AGBL4: variants seen among roughly 807,000 people sequenced by gnomAD.
The protein encoded by AGBL4 is cytosolic carboxypeptidase 6.
AGBL4 carries 58 observed loss-of-function variants against 66.4 expected under a neutral mutation model. That is an observed-to-expected ratio of 0.87 (90% confidence interval 0.71 to 1.09). The LOEUF is 1.09. Ranked by LOEUF, AGBL4 falls within the 50% of genes least tolerant of loss-of-function variation. The pLI is 0.00. For synonymous variants in AGBL4, 234 were observed against 222.9 expected (o/e 1.05, Z -0.44); for missense variants, 579 against 631.0 (o/e 0.92, Z 0.88).
At chr1:49,461,429 C>A (rs1245806411) in intron 3 of AGBL4, among the ~76,000 whole-genome samples, 3 of 149,884 alleles carry the variant, frequency 2.0e-5, no homozygotes, top group African/African-American at 7.4e-5. Flanking sequence ...TAAGTGTCTC[C>A]TTGATTTCCG....
chr1:48,532,015 C>G (rs1643909366), downstream of AGBL4, among the ~76,000 whole-genome samples: 1 of 152,126 alleles, frequency 6.6e-6, no homozygotes, highest in Non-Finnish European at 1.5e-5. Context: ...AACTCCTGAC[C>G]TCAGGTGATT....
At chr1:49,515,349 C>T (rs1439531460) in intron 3 of AGBL4, among the ~76,000 whole-genome samples, 3 of 152,118 alleles carry the variant, frequency 2.0e-5, no homozygotes, top group Middle Eastern at 3.2e-3. Flanking sequence ...TATCATCTCA[C>T]ACTAGTTAGA....
chr1:49,616,918 T>C (rs1283926288), intron 3 of AGBL4, among the ~76,000 whole-genome samples: 1 of 152,190 alleles, frequency 6.6e-6, no homozygotes, highest in Non-Finnish European at 1.5e-5. Context: ...CAAACCACCA[T>C]AATCTCTTGT....
intron 3 of AGBL4, among the ~76,000 whole-genome samples, chr1:49,662,298 G>A (rs541373723): frequency 1.6e-4 from 25 of 151,626 alleles, no homozygotes; most frequent in Admixed American, 7.3e-4. Flanking sequence ...TTAAATATGT[G>A]TAGAAATGGA....
At chr1:48,806,959 C>T (rs930436724) in intron 6 of AGBL4, among the ~76,000 whole-genome samples, 1 of 151,886 alleles carries the variant, frequency 6.6e-6, no homozygotes, top group East Asian at 1.9e-4. Context: ...TGTATCTGTG[C>T]GGAAGTATCT....
At chr1:49,085,928 G>C (rs1644899130) in intron 4 of AGBL4, among the ~76,000 whole-genome samples, 1 of 152,164 alleles carries the variant, frequency 6.6e-6, no homozygotes, top group Admixed American at 6.5e-5. Flanking sequence ...GAGCAGATCA[G>C]CGTTGGTGTC....
chr1:48,702,324 C>T (rs1352984891), intron 6 of AGBL4, among the ~76,000 whole-genome samples: 1 of 151,748 alleles, frequency 6.6e-6, no homozygotes, highest in Non-Finnish European at 1.5e-5. Flanking sequence ...GTCAGTCTTG[C>T]TCTGTTGCCC....
At chr1:49,754,318 C>CTT in intron 2 of AGBL4, among the ~76,000 whole-genome samples, 1 of 145,402 alleles carries the variant, frequency 6.9e-6, no homozygotes, top group South Asian at 2.2e-4. Flanking sequence ...TTATTATACT[C>CTT]TAAGTTTTAG....
intron 6 of AGBL4, among the ~76,000 whole-genome samples, chr1:48,791,606 C>A (rs929931216): frequency 6.6e-6 from 1 of 152,208 alleles, no homozygotes; most frequent in Admixed American, 6.5e-5. Flanking sequence ...GTGGAGCAAT[C>A]TGAACTTTGA....
At chr1:49,021,820 C>A (rs2149023101) in intron 5 of AGBL4, among the ~76,000 whole-genome samples, 1 of 152,188 alleles carries the variant, frequency 6.6e-6, no homozygotes, top group Admixed American at 6.5e-5. Flanking sequence ...TGTCCTTAGG[C>A]CTTGGTTTTC....
rs148693722 is a variant in AGBL4 at position 49,486,236 on chromosome 1, G to A, written c.282+211077C>T. Among the ~76,000 whole-genome samples the A allele has an allele frequency of 1.2e-4, 19 of 152,022 alleles. No individual in the cohort carries two copies. The East Asian group carries it at 1.4e-3, about 11-fold the overall frequency. ...AAAATTTACTCTCAATTACCTTTACGGAAATACAGAGAATCTTCACCTATT... is the reference window on the plus strand; with the variant it reads ...AAAATTTACTCTCAATTACCTTTACAGAAATACAGAGAATCTTCACCTATT... On this transcript the variant is annotated intron_variant, in intron 3 of 13. Coordinates refer to ENST00000371839, the MANE Select transcript of AGBL4 (RefSeq NM_032785.4).
At chr1:49,493,680 C>A (rs576704527) in intron 3 of AGBL4, among the ~76,000 whole-genome samples, 4 of 151,942 alleles carry the variant, frequency 2.6e-5, no homozygotes, top group African/African-American at 9.7e-5. Context: ...GGGCTGGGGT[C>A]CCTTCTCATA....
At chr1:48,710,249 G>A (rs973218685) in intron 6 of AGBL4, among the ~76,000 whole-genome samples, 10 of 152,282 alleles carry the variant, frequency 6.6e-5, no homozygotes, top group East Asian at 1.9e-4. Context: ...GTTTACCTGA[G>A]GCACAGTGGG....
intron 1 of AGBL4, among the ~76,000 whole-genome samples, chr1:49,912,115 G>A (rs1419305624): frequency 2.0e-5 from 3 of 152,198 alleles, no homozygotes; most frequent in Non-Finnish European, 2.9e-5. Context: ...CTAAAGAGAT[G>A]GGCTCCCCAG....
intron 3 of AGBL4, among the ~76,000 whole-genome samples, chr1:49,511,240 T>C (rs1649214353): frequency 6.6e-6 from 1 of 151,208 alleles, no homozygotes; most frequent in South Asian, 2.1e-4. Context: ...ATTAAGAAAA[T>C]GTGGCACATA....
intron 1 of AGBL4, among the ~76,000 whole-genome samples, chr1:49,973,660 A>G (rs1244054603): frequency 6.7e-6 from 1 of 148,472 alleles, no homozygotes. Context: ...ATTATATGGT[A>G]TATGAATGAT....
intron 3 of AGBL4, among the ~76,000 whole-genome samples, chr1:49,514,694 G>A (rs1392306962): frequency 2.0e-5 from 3 of 151,998 alleles, no homozygotes; most frequent in Non-Finnish European, 4.4e-5. Flanking sequence ...CAGAGATATA[G>A]ATCAATGGAA....
At chr1:49,303,824 T>C (rs187159146) in intron 3 of AGBL4, among the ~76,000 whole-genome samples, 1 of 152,246 alleles carries the variant, frequency 6.6e-6, no homozygotes, top group Non-Finnish European at 1.5e-5. Context: ...TGCCTGCTTT[T>C]TAATGGGGTT....
chr1:48,564,505 A>T (rs2798124), intron 11 of AGBL4, among the ~76,000 whole-genome samples: 27,600 of 151,046 alleles, frequency 0.18, 2,944 homozygotes, highest in Middle Eastern at 0.31. Flanking sequence ...TGGCCCCTGC[A>T]ATACCTCAAA....
Sources: allele counts gnomAD v4.1 joint callset (sites outside exome capture counted in the v4.1 genomes callset), GRCh38; gene constraint gnomAD v4.1.1; transcripts MANE v1.5; gene names NCBI Gene and HGNC (gene_info 2026-07-23, HGNC 2026-07-21).